The following PDE4D variants were observed in gnomAD, a reference collection of about 807,000 sequenced individuals.
The protein encoded by PDE4D is 3',5'-cyclic-AMP phosphodiesterase 4D.
In PDE4D, 24 loss-of-function variants were observed where a neutral mutation model predicts 87.4. The ratio of observed to expected loss-of-function variants is 0.27; its 90% CI spans 0.20 to 0.39. PDE4D has a LOEUF of 0.39. Ranked by LOEUF, PDE4D falls within the 10% of genes least tolerant of loss-of-function variation. The pLI is 1.00. For missense variants in PDE4D, 714 were observed against 1,041.0 expected (o/e 0.69, Z 4.32); for synonymous variants, 384 against 383.2 (o/e 1.00, Z -0.02).
chr5:59,496,142 G>T (rs1224890107), intron 1 of PDE4D, among the ~76,000 whole-genome samples: 1 of 152,210 alleles, frequency 6.6e-6, no homozygotes, highest in South Asian at 2.1e-4. Flanking sequence ...GAGTCCAGCC[G>T]CTCAGCAGCC....
chr5:60,022,791 T>TCTTCTTAGGCTC (rs1766208798), intron 2 of PDE4D: 2 of 152,390 alleles, frequency 1.3e-5, no homozygotes, highest in South Asian at 4.1e-4. Context: ...TTCATTCCAT[T>TCTTCTTAGGCTC]CTTCTTAGGC....
intron 1 of PDE4D, among the ~76,000 whole-genome samples, chr5:59,606,456 T>C (rs571670825): frequency 2.0e-4 from 30 of 152,192 alleles, no homozygotes; most frequent in Non-Finnish European, 2.9e-5. Context: ...TTATAAAGCA[T>C]GTACTAATAT....
At chr5:60,161,951 TC>T (rs1214961522) in intron 2 of PDE4D, among the ~76,000 whole-genome samples, 4 of 152,112 alleles carry the variant, frequency 2.6e-5, no homozygotes, top group African/African-American at 9.7e-5. Context: ...ACCCTGGTCT[TC>T]AAGAAAGATG....
intron 1 of PDE4D, chr5:59,587,683 A>C (rs1330562975): frequency 2.1e-6 from 2 of 933,406 alleles, no homozygotes; most frequent in African/African-American, 3.6e-5. Context: ...GCTGGCGTCA[A>C]GGGGGCCCTC....
intron 1 of PDE4D, among the ~76,000 whole-genome samples, chr5:59,692,004 C>A (rs1437196427): frequency 2.0e-5 from 3 of 151,954 alleles, no homozygotes; most frequent in Admixed American, 2.0e-4. Context: ...ATAAGTAGGT[C>A]ATAGATATTT....
intron 1 of PDE4D, chr5:59,276,122 GAAAAAAAAAAA>G (rs56153175): frequency 2.3e-6 from 2 of 853,188 alleles, no homozygotes; most frequent in Non-Finnish European, 2.7e-6. Context: ...AGTGAGAAAG[GAAAAAAAAAAA>G]AAAAAAAAAA....
At chr5:59,273,838 T>C (rs2153542773) in intron 1 of PDE4D, among the ~76,000 whole-genome samples, 1 of 152,260 alleles carries the variant, frequency 6.6e-6, no homozygotes, top group African/African-American at 2.4e-5. Flanking sequence ...TAGACTATGA[T>C]AATCTCAGAG....
chr5:58,983,512 GTC>G (rs1353634892), intron 11 of PDE4D, among the ~76,000 whole-genome samples: 1 of 152,194 alleles, frequency 6.6e-6, no homozygotes, highest in East Asian at 1.9e-4. Flanking sequence ...GTGGCCCATA[GTC>G]AGTCAGTATC....
intron 1 of PDE4D, among the ~76,000 whole-genome samples, chr5:59,805,630 A>G (rs954981660): frequency 1.3e-5 from 2 of 152,244 alleles, no homozygotes; most frequent in Non-Finnish European, 2.9e-5. Flanking sequence ...ATGTTGGGGT[A>G]CTGCTCTCAG....
chr5:59,441,506 T>C (rs534978654), intron 1 of PDE4D, among the ~76,000 whole-genome samples: 3 of 152,208 alleles, frequency 2.0e-5, no homozygotes, highest in Non-Finnish European at 1.5e-5. Flanking sequence ...GAAGACATCA[T>C]GATTCCCAGA....
intron 1 of PDE4D, among the ~76,000 whole-genome samples, chr5:59,613,697 C>T (rs772694077): frequency 3.3e-5 from 5 of 152,128 alleles, no homozygotes; most frequent in Non-Finnish European, 7.4e-5. Flanking sequence ...AGTGTAGAGA[C>T]ACCTGCTTTG....
rs565546934 is a variant in PDE4D, at chr5:60,238,437, A to C, written c.-89-52750T>G. 8.2e-4 allele frequency among the ~76,000 whole-genome samples: 124 copies of C among 152,134 alleles called. 2 individuals are homozygous for C. Among genetic ancestry groups the C allele is most frequent in the Non-Finnish European group, 1.9e-4 (13 of 67,926 alleles). Reference sequence around the variant, plus strand: ...TTCTAGATATATGCCTAGAAGTGGAATTCCTCCTTCAAGATATGCAAATGT... The same window carrying C: ...TTCTAGATATATGCCTAGAAGTGGACTTCCTCCTTCAAGATATGCAAATGT... On this transcript the variant is annotated intron_variant, in intron 1 of 16. Coordinates refer to the PDE4D transcript ENST00000502484.
chr5:59,657,147 A>G (rs1034967788), intron 1 of PDE4D, among the ~76,000 whole-genome samples: 4 of 152,370 alleles, frequency 2.6e-5, no homozygotes, highest in Admixed American at 2.6e-4. Context: ...AGATATTGAA[A>G]GGACAAATTT....
chr5:59,237,151 G>A (rs2153520314), intron 1 of PDE4D, among the ~76,000 whole-genome samples: 1 of 152,234 alleles, frequency 6.6e-6, no homozygotes, highest in East Asian at 1.9e-4. Flanking sequence ...TAAGAAATGT[G>A]TAATATGACC....
At chr5:60,051,323 GA>G (rs1337770272) in intron 2 of PDE4D, among the ~76,000 whole-genome samples, 1 of 152,120 alleles carries the variant, frequency 6.6e-6, no homozygotes, top group African/African-American at 2.4e-5. Context: ...CAAAAGAACA[GA>G]AATCATAACA....
chr5:59,628,546 C>T (rs142116794), intron 1 of PDE4D, among the ~76,000 whole-genome samples: 2 of 152,148 alleles, frequency 1.3e-5, no homozygotes, highest in African/African-American at 4.8e-5. Flanking sequence ...GATACTTATA[C>T]CACCTATTAC....
intron 1 of PDE4D, among the ~76,000 whole-genome samples, chr5:60,311,521 G>A (rs1007994051): frequency 8.5e-5 from 13 of 152,162 alleles, no homozygotes; most frequent in African/African-American, 3.1e-4. Flanking sequence ...AATGCTAAGG[G>A]AATTCATTAC....
intron 1 of PDE4D, among the ~76,000 whole-genome samples, chr5:60,363,021 T>C (rs1285967919): frequency 6.6e-6 from 1 of 152,146 alleles, no homozygotes; most frequent in Admixed American, 6.6e-5. Flanking sequence ...TTATCACCGG[T>C]TGCTTATCAC....
intron 1 of PDE4D, among the ~76,000 whole-genome samples, chr5:59,231,379 G>C (rs767840719): frequency 5.3e-5 from 8 of 152,182 alleles, no homozygotes; most frequent in African/African-American, 1.7e-4. Flanking sequence ...GATGTGAGCA[G>C]AAATATTGCA....
Sources: gnomAD v4.1 joint callset for allele counts (sites outside exome capture counted in the v4.1 genomes callset) on GRCh38, gnomAD v4.1.1 for gene constraint, MANE v1.5 for transcripts, NCBI Gene and HGNC (gene_info 2026-07-23, HGNC 2026-07-21) for gene names.